Variants in TAC4 observed in about 807,000 individuals in gnomAD.
The protein encoded by TAC4 is tachykinin-4.
TAC4 carries 17 observed loss-of-function variants against 17.7 expected under a neutral mutation model. That is an observed-to-expected ratio of 0.96 (90% CI 0.66 to 1.44). TAC4 has a LOEUF of 1.44. Among genes scored for constraint, TAC4 ranks in the 40% most tolerant of loss-of-function variants. TAC4 has a pLI of 0.00. For synonymous variants in TAC4, 62 were observed against 52.4 expected (o/e 1.18, Z -0.79); for missense variants, 118 against 125.6 (o/e 0.94, Z 0.29).
At chr17:49,844,882 CA>C (rs1305012690) in intron 1 of TAC4, among the ~76,000 whole-genome samples, 5 of 152,212 alleles carry the variant, frequency 3.3e-5, no homozygotes, top group African/African-American at 1.2e-4. Flanking sequence ...TCACAACCAC[CA>C]TAACTAGTAG....
rs1320798882 is a variant in TAC4 at position 49,847,019 on chromosome 17, GT to G, written c.105+893del. ...CTCTCCTCACTGCACACACTTCCAGGTTCAGACAAACCGGAAAGGAAACCCA... is the reference window on the plus strand; with the variant it reads ...CTCTCCTCACTGCACACACTTCCAGGTCAGACAAACCGGAAAGGAAACCCA... On this transcript the variant is annotated intron_variant, in intron 1 of 4. Transcript: ENST00000436235. 2.3e-6 allele frequency: 3 copies of G among 1,289,978 alleles called. No homozygotes were observed. In the African/African-American group the frequency reaches 4.6e-5, roughly 20 times the overall value. 79.9% of individuals were successfully genotyped at this position (1,289,978 alleles called of 1,614,324 possible).
intron 1 of TAC4, chr17:49,847,051 C>T (rs1420857254): frequency 1.6e-6 from 2 of 1,290,200 alleles, no homozygotes; most frequent in Admixed American, 4.6e-5. Context: ...ACCCACCATG[C>T]AGGACTGTCC....
chr17:49,847,154 T>TA (rs2074548096), intron 1 of TAC4: 1 of 1,289,984 alleles, frequency 7.8e-7, no homozygotes, highest in Non-Finnish European at 1.0e-6. Flanking sequence ...CCAGTGTCCT[T>TA]ACCATCCTGG....
intron 1 of TAC4, among the ~76,000 whole-genome samples, chr17:49,844,886 A>C (rs571311234): frequency 8.5e-5 from 13 of 152,306 alleles, no homozygotes; most frequent in African/African-American, 2.9e-4. Context: ...AACCACCATA[A>C]CTAGTAGAAA....
chr17:49,847,799 C>A, intron 1 of TAC4, 114 bp downstream of exon 1: 1 of 1,582,836 alleles, frequency 6.3e-7, no homozygotes, highest in Non-Finnish European at 8.6e-7. Context: ...ACTTGCCTTG[C>A]AGACTGCCTG....
intron 1 of TAC4, 166 bp downstream of exon 1, chr17:49,847,747 G>T: frequency 8.9e-7 from 1 of 1,126,136 alleles, no homozygotes; most frequent in Non-Finnish European, 1.3e-6. Flanking sequence ...TGCCAGGCCA[G>T]GGCTCATAGC....
At chr17:49,845,691 C>T (rs919120570) in intron 1 of TAC4, among the ~76,000 whole-genome samples, 1 of 152,210 alleles carries the variant, frequency 6.6e-6, no homozygotes, top group Non-Finnish European at 1.5e-5. Context: ...ATCAGAGGCT[C>T]TTTCTTCCAT....
intron 4 of TAC4, among the ~76,000 whole-genome samples, chr17:49,839,625 G>C (rs951637862): frequency 7.9e-5 from 12 of 152,122 alleles, no homozygotes; most frequent in Admixed American, 6.5e-5. Flanking sequence ...AGGGCAGAGT[G>C]TGCCTGGGTG....
chr17:49,839,990 AGGGCCAGGGCGAGGGCCG>A (rs2074484909), intron 3 of TAC4, 81 bp from the exon 4 acceptor site: 6 of 1,411,704 alleles, frequency 4.3e-6, no homozygotes, highest in South Asian at 1.2e-5. Flanking sequence ...GACAAAGGAC[AGGGCCAGGGCGAGGGCCG>A]GGGCCAGGGC....
intron 1 of TAC4, 187 bp downstream of exon 1, chr17:49,847,726 C>CACA: frequency 1.3e-6 from 1 of 743,864 alleles, no homozygotes; most frequent in Non-Finnish European, 2.1e-6. Flanking sequence ...CACACACACA[C>CACA]TTCGGAGGTC....
At position 49,844,062 on chromosome 17, in the gene TAC4, A is replaced by T. The variant is rs1598104601; in HGVS notation, c.199+2T>A. 3 of 1,596,544 alleles carry T rather than the reference A, an allele frequency of 1.9e-6. No individual in the cohort carries two copies. Among genetic ancestry groups the T allele is most frequent in the African/African-American group, 2.7e-5 (2 of 74,656 alleles). ...CTGGGCTCCATTGTCATTGTCACTC[A>T]CCTCCCACTCGCTTCCCCATCAGCC... On this transcript the variant is annotated splice_donor_variant, in intron 2 of 4. Coordinates refer to ENST00000436235, the MANE Select transcript of TAC4 (RefSeq NM_001077506.2). LOFTEE classifies it high-confidence loss of function.
At chr17:49,846,446 TTGTTTA>T (rs1490575300) in intron 1 of TAC4, among the ~76,000 whole-genome samples, 8 of 152,036 alleles carry the variant, frequency 5.3e-5, no homozygotes, top group African/African-American at 1.7e-4. Flanking sequence ...CTGGCAAATT[TTGTTTA>T]TGTTTTGTAG....
rs559092740 is a variant in TAC4 at position 49,840,207 on chromosome 17, A to G, written c.233-298T>C. Among the ~76,000 whole-genome samples, 5 of 152,336 alleles carry G rather than the reference A, an allele frequency of 3.3e-5. No individual in the cohort carries two copies. In the South Asian group the frequency reaches 1.0e-3, roughly 32 times the overall value. On this transcript the variant is annotated intron_variant, in intron 3 of 4. Coordinates refer to ENST00000436235, the MANE Select transcript of TAC4 (RefSeq NM_001077506.2). ...AGAAACTGCTGGGAACTGGAGATAC[A>G]GAGGCGACAGCAGACCTGATGCCTG...
rs1470694672 is a variant in TAC4, at chr17:49,838,413, CAG to C, written c.*227_*228del. ...TGCCAACTCTGAGTGTGAGGGAGGG[CAG>C]AGTCAGTGCAGCTTGCTACGGCGAA... is the stretch of plus-strand genomic sequence containing the variant. On this transcript the variant is annotated 3_prime_UTR_variant, in exon 5 of 5. Coordinates refer to ENST00000436235, the MANE Select transcript of TAC4 (RefSeq NM_001077506.2). The C allele has an allele frequency of 3.3e-6, 2 of 608,256 alleles. No homozygotes were observed. The highest frequency in any genetic ancestry group is 1.9e-5 in the African/African-American group (1 of 53,282). The allele number at this position is 608,256 out of a possible 1,614,324, so 37.7% of individuals were successfully genotyped here. A position where few individuals can be genotyped will look rare whatever the true frequency, so the allele number is the denominator to read the frequency against.
intron 3 of TAC4, among the ~76,000 whole-genome samples, chr17:49,840,604 G>A (rs1330961969): frequency 6.6e-6 from 1 of 152,120 alleles, no homozygotes; most frequent in Non-Finnish European, 1.5e-5. Context: ...CCGGGTTCAA[G>A]CGATTCTCCT....
Position 49,844,171 on chromosome 17 carries a change from G to C in TAC4, c.106-14C>G, listed in dbSNP as rs1345629902. 1.2e-6 allele frequency: 2 copies of C among 1,613,456 alleles called. No homozygotes were observed. Among genetic ancestry groups the C allele is most frequent in the Admixed American group, 1.7e-5 (1 of 60,010 alleles). ...GCCAGCGCCTTCCTGAAGAAGCAGA[G>C]AGTTAGTGTTAGAGTTGGGAGGTTG... On this transcript the variant is annotated splice_polypyrimidine_tract_variant and intron_variant, in intron 1 of 4. Transcript: ENST00000436235.
intron 1 of TAC4, 29 bp from the exon 2 acceptor site, chr17:49,844,186 T>G (rs1487150525): frequency 6.2e-7 from 1 of 1,610,826 alleles, no homozygotes; most frequent in South Asian, 1.1e-5. Context: ...AGTGTTAGAG[T>G]TGGGAGGTTG....
At chr17:49,841,230 T>C (rs974378606) in intron 3 of TAC4, among the ~76,000 whole-genome samples, 4 of 150,976 alleles carry the variant, frequency 2.6e-5, no homozygotes, top group Non-Finnish European at 4.4e-5. Flanking sequence ...AGCACTCTTA[T>C]CTCTAGTGGT....
chr17:49,843,668 A>T (rs2074514853), intron 2 of TAC4, among the ~76,000 whole-genome samples: 1 of 152,194 alleles, frequency 6.6e-6, no homozygotes, highest in Non-Finnish European at 1.5e-5. Flanking sequence ...ATCTTGGCTC[A>T]CTGCAACCTC....
Sources: gnomAD v4.1 joint callset for allele counts (sites outside exome capture counted in the v4.1 genomes callset) on GRCh38, gnomAD v4.1.1 for gene constraint, MANE v1.5 for transcripts, NCBI Gene and HGNC (gene_info 2026-07-23, HGNC 2026-07-21) for gene names.